The following MLLT3 variants were observed in gnomAD, a reference collection of about 807,000 sequenced individuals.
MLLT3 encodes the protein protein AF-9.
A neutral mutation model predicts 53.2 loss-of-function variants in MLLT3; 4 were observed. The ratio of observed to expected loss-of-function variants is 0.08; its 90% CI spans 0.04 to 0.17. The LOEUF (loss-of-function observed/expected upper bound fraction) is 0.17, where lower values mean the gene tolerates loss of function less well. Ranked by LOEUF, MLLT3 falls within the 10% of genes least tolerant of loss-of-function variation. The probability of loss-of-function intolerance (pLI) is 1.00; values close to 1 mark genes in which losing one functional copy is unlikely to be tolerated. For missense variants in MLLT3, 569 were observed against 684.0 expected (o/e 0.83, Z 1.87); for synonymous variants, 283 against 230.6 (o/e 1.23, Z -2.06).
intron 2 of MLLT3, among the ~76,000 whole-genome samples, chr9:20,496,065 T>C (rs1486675450): frequency 2.6e-5 from 4 of 152,234 alleles, no homozygotes; most frequent in Non-Finnish European, 5.9e-5. Context: ...ACACTTGTAC[T>C]GACCTGTGCT....
chr9:20,598,299 A>C (rs1041568816), intron 2 of MLLT3, among the ~76,000 whole-genome samples: 1 of 152,092 alleles, frequency 6.6e-6, no homozygotes, highest in Non-Finnish European at 1.5e-5. Context: ...TTCCCAAAAA[A>C]CTCCGTTCCT....
intron 2 of MLLT3, among the ~76,000 whole-genome samples, chr9:20,605,163 A>G (rs1419972457): frequency 6.6e-6 from 1 of 152,134 alleles, no homozygotes; most frequent in African/African-American, 2.4e-5. Context: ...AAACAACTGT[A>G]TAATGATTTT....
At chr9:20,407,508 G>A (rs1822614300) in intron 5 of MLLT3, among the ~76,000 whole-genome samples, 1 of 152,146 alleles carries the variant, frequency 6.6e-6, no homozygotes, top group East Asian at 1.9e-4. Context: ...ATAGGTCAAA[G>A]AAACAGGATT....
intron 2 of MLLT3, among the ~76,000 whole-genome samples, chr9:20,487,490 C>T (rs1824842399): frequency 6.6e-6 from 1 of 152,116 alleles, no homozygotes; most frequent in Admixed American, 6.5e-5. Context: ...CTACTTTCAA[C>T]CGGAGCCATG....
chr9:20,477,442 T>A (rs1824552760), intron 2 of MLLT3, among the ~76,000 whole-genome samples: 1 of 152,064 alleles, frequency 6.6e-6, no homozygotes, highest in Non-Finnish European at 1.5e-5. Context: ...CATCCCCAAC[T>A]AAAAATCTTT....
At position 20,605,632 on chromosome 9, in the gene MLLT3, A is replaced by G. The variant is rs192179295; in HGVS notation, c.193+15022T>C. On this transcript the variant is annotated intron_variant, in intron 2 of 10. Coordinates refer to ENST00000380338, the MANE Select transcript of MLLT3 (RefSeq NM_004529.4). ...ACTCAAGTAATTCGCCTAAAGAACA[A>G]TTTTAATCCAGTATTTAACATAATT... is the stretch of plus-strand genomic sequence containing the variant. Among the ~76,000 whole-genome samples the G allele has an allele frequency of 1.9e-4, 29 of 152,152 alleles. 1 individual carries two copies. The highest frequency in any genetic ancestry group is 1.7e-3 in the Admixed American group (26 of 15,242).
chr9:20,574,803 G>C (rs898540673), intron 2 of MLLT3, among the ~76,000 whole-genome samples: 1 of 152,132 alleles, frequency 6.6e-6, no homozygotes, highest in Admixed American at 6.6e-5. Flanking sequence ...TTTCACAAAA[G>C]ATTTCTCTGT....
In MLLT3 at chr9:20,365,764, G is replaced by C. The variant is rs758640135; in HGVS notation, c.1126-20C>G. On this transcript the variant is annotated intron_variant, in intron 5 of 10. Coordinates refer to ENST00000380338, the MANE Select transcript of MLLT3 (RefSeq NM_004529.4). ...TTCAGACTTTAAAGAAGAATAAAAA[G>C]GCACCATCAATAAATTTACGGGATA... The C allele has an allele frequency of 1.4e-5, 22 of 1,613,686 alleles. No homozygotes were observed. Among genetic ancestry groups the C allele is most frequent in the Non-Finnish European group, 1.8e-5 (21 of 1,179,714 alleles).
At chr9:20,386,548 GA>G (rs1822041545) in intron 5 of MLLT3, among the ~76,000 whole-genome samples, 1 of 152,190 alleles carries the variant, frequency 6.6e-6, no homozygotes, top group African/African-American at 2.4e-5. Context: ...GAACATTGCA[GA>G]ATTGGATAAA....
chr9:20,548,237 C>T (rs993319271), intron 2 of MLLT3, among the ~76,000 whole-genome samples: 1 of 152,194 alleles, frequency 6.6e-6, no homozygotes, highest in Non-Finnish European at 1.5e-5. Context: ...TAGTGACTGC[C>T]ATATTGGACA....
At chr9:20,484,654 C>T (rs1322858005) in intron 2 of MLLT3, among the ~76,000 whole-genome samples, 1 of 152,156 alleles carries the variant, frequency 6.6e-6, no homozygotes, top group African/African-American at 2.4e-5. Context: ...TTACCAATTT[C>T]TCCCCGGAAT....
At chr9:20,375,964 C>T (rs1004036848) in intron 5 of MLLT3, among the ~76,000 whole-genome samples, 1 of 152,104 alleles carries the variant, frequency 6.6e-6, no homozygotes, top group Non-Finnish European at 1.5e-5. Flanking sequence ...TGCCCTAATC[C>T]TCTTGAGACT....
At chr9:20,560,427 T>C (rs1054839977) in intron 2 of MLLT3, among the ~76,000 whole-genome samples, 1 of 152,244 alleles carries the variant, frequency 6.6e-6, no homozygotes, top group African/African-American at 2.4e-5. Flanking sequence ...CTGTCATTCA[T>C]TCAACACATA....
chr9:20,350,772 T>C (rs1345925550), intron 10 of MLLT3, among the ~76,000 whole-genome samples: 2 of 152,218 alleles, frequency 1.3e-5, no homozygotes, highest in African/African-American at 4.8e-5. Flanking sequence ...GGATGTCTCA[T>C]TTTGTTTTAA....
chr9:20,529,648 T>G (rs1212226429), intron 2 of MLLT3, among the ~76,000 whole-genome samples: 1 of 151,618 alleles, frequency 6.6e-6, no homozygotes, highest in East Asian at 1.9e-4. Context: ...TTTATTTTTA[T>G]ATCAAAGACC....
chr9:20,524,413 C>A (rs1818146424), intron 2 of MLLT3, among the ~76,000 whole-genome samples: 1 of 151,996 alleles, frequency 6.6e-6, no homozygotes, highest in Non-Finnish European at 1.5e-5. Context: ...CTGCATAGTA[C>A]AATAGAATAT....
intron 2 of MLLT3, among the ~76,000 whole-genome samples, chr9:20,579,825 C>T (rs1401675898): frequency 1.3e-5 from 2 of 152,164 alleles, no homozygotes; most frequent in Non-Finnish European, 2.9e-5. Context: ...TGGTGATCCA[C>T]AGAGCTCAGT....
At chr9:20,438,010 C>T (rs891006661) in intron 4 of MLLT3, among the ~76,000 whole-genome samples, 4 of 152,072 alleles carry the variant, frequency 2.6e-5, no homozygotes, top group Non-Finnish European at 5.9e-5. Context: ...GTTTTTGCTC[C>T]CTATGCTTAA....
intron 5 of MLLT3, among the ~76,000 whole-genome samples, chr9:20,382,010 A>G (rs1314214243): frequency 6.6e-6 from 1 of 151,926 alleles, no homozygotes; most frequent in Non-Finnish European, 1.5e-5. Flanking sequence ...TCACTGGTAG[A>G]TAAAATACTT....
Sources: allele counts gnomAD v4.1 joint callset (sites outside exome capture counted in the v4.1 genomes callset), GRCh38; gene constraint gnomAD v4.1.1; transcripts MANE v1.5; gene names NCBI Gene and HGNC (gene_info 2026-07-23, HGNC 2026-07-21).